The following BLK variants were observed in gnomAD, a reference collection of about 807,000 sequenced individuals.
The protein encoded by BLK is BLK proto-oncogene, Src family tyrosine kinase.
In BLK, 64 loss-of-function variants were observed where a neutral mutation model predicts 61.8. The ratio of observed to expected loss-of-function variants is 1.03; its 90% confidence interval spans 0.85 to 1.27. The LOEUF (loss-of-function observed/expected upper bound fraction) is 1.27. BLK is among the 50% of genes most tolerant of loss of function. The pLI is 0.00. For synonymous variants in BLK, 351 were observed against 272.0 expected, an observed-to-expected ratio of 1.29 and a Z score of -2.86; for missense variants, 853 against 660.5, an observed-to-expected ratio of 1.29 and a Z score of -3.19.
chr8:11,552,960 AC>A (rs1199677149), intron 6 of BLK: 1 of 154,594 alleles, frequency 6.5e-6, no homozygotes, highest in African/African-American at 2.4e-5. Context: ...ATGTGCATAC[AC>A]AGGCATGTGT....
rs562247916 is a variant in BLK, at chr8:11,550,214, A to G, written c.424A>G (p.Ile142Val). The G allele has an allele frequency of 9.2e-5, 149 of 1,614,116 alleles. No individual in the cohort carries two copies. The East Asian group carries it at 2.6e-3, about 28-fold the overall frequency. Reference sequence around the variant, plus strand: ...GGCTGAGAGGCAGCTTCTTGCTCCAATCAACAAGGCCGGCTCCTTTCTTAT... The same window carrying G: ...GGCTGAGAGGCAGCTTCTTGCTCCAGTCAACAAGGCCGGCTCCTTTCTTAT... Reference protein sequence around the residue: ...KEAERQLLAPINKAGSFLIRE... With the variant: ...KEAERQLLAPVNKAGSFLIRE... The change falls in exon 6 of 13, where the codon ATC (isoleucine) becomes GTC (valine). Residue 142 changes from isoleucine (I) to valine (V), a missense_variant. Physicochemically the swap from Ile to Val is conservative, Grantham distance 29. Coordinates refer to ENST00000259089, the MANE Select transcript of BLK (RefSeq NM_001715.3).
chr8:11,522,609 A>T (rs1176750166), intron 1 of BLK, among the ~76,000 whole-genome samples: 2 of 152,180 alleles, frequency 1.3e-5, no homozygotes. Context: ...CATCATTTTG[A>T]AACAGTGTCC....
intron 1 of BLK, among the ~76,000 whole-genome samples, chr8:11,535,308 G>GAAAGAAAC: frequency 7.0e-6 from 1 of 142,556 alleles, no homozygotes. Context: ...AAGAAAGAAA[G>GAAAGAAAC]AAAGAAAGAA....
intron 1 of BLK, among the ~76,000 whole-genome samples, chr8:11,513,641 A>G (rs1799109665): frequency 6.6e-6 from 1 of 152,246 alleles, no homozygotes; most frequent in African/African-American, 2.4e-5. Flanking sequence ...TGACTCGTAC[A>G]AGATTGCACC....
chr8:11,549,183 C>A, intron 5 of BLK, 61 bp downstream of exon 5: 1 of 1,470,218 alleles, frequency 6.8e-7, no homozygotes, highest in Non-Finnish European at 9.3e-7. Flanking sequence ...GCTCCCTGGG[C>A]TGTTAGGCAG....
chr8:11,502,343 GC>G (rs1291602319), intron 1 of BLK, among the ~76,000 whole-genome samples: 1 of 150,720 alleles, frequency 6.6e-6, no homozygotes, highest in African/African-American at 2.4e-5. Flanking sequence ...TTACTCTGTT[GC>G]CCAGGCTGCA....
chr8:11,555,605 G>A, intron 8 of BLK, 121 bp downstream of exon 8: 5 of 1,456,548 alleles, frequency 3.4e-6, no homozygotes, highest in Non-Finnish European at 4.7e-6. Context: ...GAGGGAGCGA[G>A]GACAGAGGCG....
At chr8:11,557,615 A>C (rs948373247) in intron 9 of BLK, among the ~76,000 whole-genome samples, 1 of 152,144 alleles carries the variant, frequency 6.6e-6, no homozygotes, top group Non-Finnish European at 1.5e-5. Flanking sequence ...GAGCGAGGCC[A>C]ACACGGGGGG....
At chr8:11,503,012 G>C (rs1418737364) in intron 1 of BLK, among the ~76,000 whole-genome samples, 1 of 152,198 alleles carries the variant, frequency 6.6e-6, no homozygotes, top group East Asian at 1.9e-4. Context: ...TGGGATACAA[G>C]GATGTCCCCT....
intron 1 of BLK, among the ~76,000 whole-genome samples, chr8:11,533,234 C>G (rs976811051): frequency 6.6e-6 from 1 of 152,188 alleles, no homozygotes; most frequent in African/African-American, 2.4e-5. Flanking sequence ...AGGCCTGAGA[C>G]CTTTTCTTTT....
At chr8:11,555,524 C>T (rs1290465307) in intron 8 of BLK, 40 bp downstream of exon 8, 3 of 1,613,426 alleles carry the variant, frequency 1.9e-6, no homozygotes, top group Middle Eastern at 1.7e-4. Flanking sequence ...TCCCCCCATT[C>T]CACCTGCGCC....
At chr8:11,508,922 A>G (rs1370794939) in intron 1 of BLK, among the ~76,000 whole-genome samples, 2 of 152,184 alleles carry the variant, frequency 1.3e-5, no homozygotes, top group African/African-American at 4.8e-5. Context: ...AGCTTTGGGA[A>G]GGAAATGCTG....
intron 1 of BLK, among the ~76,000 whole-genome samples, chr8:11,527,854 CAG>C (rs2117363296): frequency 6.6e-6 from 1 of 152,006 alleles, no homozygotes; most frequent in East Asian, 1.9e-4. Context: ...ATGGGGGAGT[CAG>C]AAATCTTGTG....
At chr8:11,542,041 G>A (rs1267965981) in intron 1 of BLK, among the ~76,000 whole-genome samples, 2 of 152,128 alleles carry the variant, frequency 1.3e-5, no homozygotes, top group Non-Finnish European at 2.9e-5. Flanking sequence ...GTCCTATATC[G>A]AAATTTGTTA....
chr8:11,525,847 C>T (rs1021100934), intron 1 of BLK, among the ~76,000 whole-genome samples: 2 of 152,088 alleles, frequency 1.3e-5, no homozygotes, highest in African/African-American at 2.4e-5. Context: ...CTGGTTCAAG[C>T]GATTCTCCTG....
rs140518417 is a variant in BLK at position 11,531,847 on chromosome 8, A to G, written c.-1-11377A>G. 5.5e-3 allele frequency among the ~76,000 whole-genome samples: 837 copies of G among 152,108 alleles called. 8 individuals carry two copies. Among genetic ancestry groups the G allele is most frequent in the African/African-American group, 0.017 (705 of 41,474 alleles). Reference sequence around the variant, plus strand: ...ACCCAATGTACTATTCATCCCATCTAGAGTTTTGGTTGTTTGTTTGTTTGT... The same window carrying G: ...ACCCAATGTACTATTCATCCCATCTGGAGTTTTGGTTGTTTGTTTGTTTGT... On this transcript the variant is annotated intron_variant, in intron 1 of 12. Transcript: ENST00000259089.
chr8:11,525,537 T>C (rs746395376), intron 1 of BLK, among the ~76,000 whole-genome samples: 1 of 152,250 alleles, frequency 6.6e-6, no homozygotes, highest in Admixed American at 6.5e-5. Flanking sequence ...CTTTGCCAGT[T>C]CAGATCTCTT....
chr8:11,546,184 A>G (rs1800633146), intron 3 of BLK, 81 bp downstream of exon 3: 1 of 1,520,276 alleles, frequency 6.6e-7, no homozygotes, highest in African/African-American at 1.4e-5. Context: ...AAAAAGGTTG[A>G]GTCAGGAGCA....
chr8:11,497,003 T>C (rs911270155), intron 1 of BLK, among the ~76,000 whole-genome samples: 2 of 151,796 alleles, frequency 1.3e-5, no homozygotes, highest in Admixed American at 6.6e-5. Flanking sequence ...GGTTCACGTG[T>C]ATAGAGAGGT....
Sources: gnomAD v4.1 joint callset for allele counts (sites outside exome capture counted in the v4.1 genomes callset) on GRCh38, gnomAD v4.1.1 for gene constraint, MANE v1.5 for transcripts, NCBI Gene and HGNC (gene_info 2026-07-23, HGNC 2026-07-21) for gene names.